The following CNTN5 variants were observed in gnomAD, a reference collection of about 807,000 sequenced individuals.
The protein encoded by CNTN5 is contactin 5, also known as contactin-5.
In CNTN5, 77 loss-of-function variants were observed where a neutral mutation model predicts 129.1. The observed-to-expected ratio is 0.60, with a 90% confidence interval of 0.50 to 0.72. The LOEUF is 0.72. CNTN5 is among the 30% of genes least tolerant of loss of function. The pLI is 0.00. For synonymous variants in CNTN5, 509 were observed against 465.6 expected (o/e 1.09, Z -1.20); for missense variants, 1,478 against 1,328.8 (o/e 1.11, Z -1.75).
At chr11:100,210,723 G>A (rs566083343) in intron 15 of CNTN5, among the ~76,000 whole-genome samples, 5 of 152,208 alleles carry the variant, frequency 3.3e-5, no homozygotes, top group East Asian at 3.9e-4. Context: ...TAGGTTTTTA[G>A]CTAGTAATAC....
intron 13 of CNTN5, among the ~76,000 whole-genome samples, chr11:100,117,381 ATGCTTCTAG>A: frequency 6.6e-6 from 1 of 152,126 alleles, no homozygotes; most frequent in Middle Eastern, 3.4e-3. Context: ...GCCACTTGTT[ATGCTTCTAG>A]TGTCTTATTT....
At chr11:99,481,329 A>T (rs750024635) in intron 2 of CNTN5, among the ~76,000 whole-genome samples, 1 of 152,048 alleles carries the variant, frequency 6.6e-6, no homozygotes, top group Non-Finnish European at 1.5e-5. Context: ...TGTCTTTTTA[A>T]TATGTTCTTA....
chr11:99,694,440 A>G (rs1240305406), intron 3 of CNTN5, among the ~76,000 whole-genome samples: 11 of 152,192 alleles, frequency 7.2e-5, no homozygotes. Flanking sequence ...TGACCCTGCT[A>G]TACATAATAT....
At chr11:100,019,364 A>T (rs143165408) in intron 9 of CNTN5, among the ~76,000 whole-genome samples, 611 of 152,034 alleles carry the variant, frequency 4.0e-3, no homozygotes, top group Non-Finnish European at 6.7e-3. Flanking sequence ...ATGAATATCA[A>T]ACTTGGTCAT....
chr11:100,116,852 TGG>T (rs1945856294), intron 13 of CNTN5, among the ~76,000 whole-genome samples: 1 of 151,994 alleles, frequency 6.6e-6, no homozygotes, highest in African/African-American at 2.4e-5. Flanking sequence ...GAGAAAGCAT[TGG>T]TATATAGCAA....
intron 1 of CNTN5, among the ~76,000 whole-genome samples, chr11:99,239,105 A>T (rs752518458): frequency 5.0e-4 from 76 of 152,150 alleles, no homozygotes; most frequent in Non-Finnish European, 8.7e-4. Flanking sequence ...AATTAATTGT[A>T]CAAAATGTTT....
chr11:99,112,381 T>C (rs931618717), intron 1 of CNTN5, among the ~76,000 whole-genome samples: 1 of 152,048 alleles, frequency 6.6e-6, no homozygotes, highest in African/African-American at 2.4e-5. Flanking sequence ...AATCAGCTTA[T>C]TTGCCATAAA....
At chr11:99,158,716 G>A (rs1330964436) in intron 1 of CNTN5, among the ~76,000 whole-genome samples, 1 of 152,042 alleles carries the variant, frequency 6.6e-6, no homozygotes, top group Admixed American at 6.5e-5. Flanking sequence ...TACAGACAAC[G>A]TAATTCTCTT....
chr11:99,296,499 A>G (rs1208746724), intron 1 of CNTN5, among the ~76,000 whole-genome samples: 1 of 152,200 alleles, frequency 6.6e-6, no homozygotes, highest in East Asian at 1.9e-4. Context: ...TCTTGCATGG[A>G]AAAGCTGTTA....
chr11:99,094,146 T>C (rs746916616), intron 1 of CNTN5, among the ~76,000 whole-genome samples: 4 of 152,068 alleles, frequency 2.6e-5, no homozygotes, highest in Admixed American at 6.6e-5. Flanking sequence ...TCAAATATCC[T>C]ATGGGCATAA....
chr11:100,111,589 C>T (rs1440558490), intron 13 of CNTN5, among the ~76,000 whole-genome samples: 1 of 152,182 alleles, frequency 6.6e-6, no homozygotes, highest in Non-Finnish European at 1.5e-5. Context: ...GCAATTTTAT[C>T]TTCTTTCTTG....
At chr11:99,063,915 A>G (rs1466412957) in intron 1 of CNTN5, among the ~76,000 whole-genome samples, 1 of 152,096 alleles carries the variant, frequency 6.6e-6, no homozygotes, top group Non-Finnish European at 1.5e-5. Flanking sequence ...TGACTAAATA[A>G]GTGTGCAGTT....
chr11:100,333,344 A>G (rs1327834390), intron 21 of CNTN5, among the ~76,000 whole-genome samples: 2 of 150,280 alleles, frequency 1.3e-5, no homozygotes, highest in East Asian at 4.0e-4. Flanking sequence ...CCATACTGCC[A>G]AAAGCAATCT....
intron 2 of CNTN5, among the ~76,000 whole-genome samples, chr11:99,416,926 A>T (rs189614883): frequency 2.4e-4 from 37 of 152,294 alleles, no homozygotes; most frequent in Admixed American, 5.2e-4. Context: ...GGACTCCACA[A>T]CTACTTCTAC....
chr11:99,801,886 C>T (rs957536603), intron 3 of CNTN5, among the ~76,000 whole-genome samples: 1 of 152,124 alleles, frequency 6.6e-6, no homozygotes, highest in Admixed American at 6.5e-5. Flanking sequence ...GACTTTCTTG[C>T]AATCCATGCT....
intron 1 of CNTN5, among the ~76,000 whole-genome samples, chr11:99,164,214 T>C (rs920372223): frequency 8.1e-5 from 12 of 148,788 alleles, no homozygotes; most frequent in Non-Finnish European, 1.6e-4. Context: ...TAATCCTAGC[T>C]AATCAGGAAG....
chr11:99,864,314 A>G (rs1948296359), intron 6 of CNTN5, among the ~76,000 whole-genome samples: 1 of 151,904 alleles, frequency 6.6e-6, no homozygotes, highest in Non-Finnish European at 1.5e-5. Flanking sequence ...CTAACAGATT[A>G]CTACTCCCTT....
At chr11:99,582,248 T>G (rs1214335952) in intron 3 of CNTN5, among the ~76,000 whole-genome samples, 2 of 152,246 alleles carry the variant, frequency 1.3e-5, no homozygotes, top group Admixed American at 1.3e-4. Context: ...TCTCTCTGGC[T>G]GCCCTTAACA....
At chr11:99,407,112 G>A (rs533676012) in intron 2 of CNTN5, among the ~76,000 whole-genome samples, 1 of 152,102 alleles carries the variant, frequency 6.6e-6, no homozygotes, top group South Asian at 2.1e-4. Context: ...TGATTTTCTC[G>A]AGCAATAGTA....
Sources: gnomAD v4.1 joint callset for allele counts (sites outside exome capture counted in the v4.1 genomes callset) on GRCh38, gnomAD v4.1.1 for gene constraint, MANE v1.5 for transcripts, NCBI Gene and HGNC (gene_info 2026-07-23, HGNC 2026-07-21) for gene names.